Variants in SH3PXD2A observed in about 807,000 individuals in gnomAD.
SH3PXD2A encodes SH3 and PX domains 2A, also known as SH3 and PX domain-containing protein 2A.
In SH3PXD2A, 32 loss-of-function variants were observed where a neutral mutation model predicts 115.2. That is an observed-to-expected ratio of 0.28 (90% CI 0.21 to 0.37). SH3PXD2A has a LOEUF of 0.37. Ranked by LOEUF, SH3PXD2A falls within the 10% of genes least tolerant of loss-of-function variation. The pLI is 1.00. For missense variants in SH3PXD2A, 1,328 were observed against 1,498.7 expected, an observed-to-expected ratio of 0.89 and a Z score of 1.88; for synonymous variants, 610 against 629.1, an observed-to-expected ratio of 0.97 and a Z score of 0.45.
At chr10:103,807,258 C>T (rs1176464011) in intron 1 of SH3PXD2A, among the ~76,000 whole-genome samples, 1 of 152,182 alleles carries the variant, frequency 6.6e-6, no homozygotes, top group African/African-American at 2.4e-5. Context: ...TAGGACCCGC[C>T]TTGTGTTTAA....
intron 11 of SH3PXD2A, 32 bp downstream of exon 11, chr10:103,617,165 G>A (rs1454310283): frequency 6.1e-6 from 9 of 1,472,496 alleles, no homozygotes; most frequent in African/African-American, 1.4e-5. Context: ...GTGGGCGAGA[G>A]GCATCTCGTT....
At chr10:103,782,179 C>T (rs1365835713) in intron 2 of SH3PXD2A, among the ~76,000 whole-genome samples, 1 of 152,206 alleles carries the variant, frequency 6.6e-6, no homozygotes, top group Non-Finnish European at 1.5e-5. Context: ...AACATATCCT[C>T]CCAATGTTCC....
At chr10:103,835,667 C>T (rs554974293) in intron 1 of SH3PXD2A, among the ~76,000 whole-genome samples, 2 of 152,112 alleles carry the variant, frequency 1.3e-5, no homozygotes, top group East Asian at 1.9e-4. Flanking sequence ...CTTTTGGCCG[C>T]CCCCCCAACC....
chr10:103,804,401 G>T (rs890236831), intron 1 of SH3PXD2A, among the ~76,000 whole-genome samples: 3 of 134,548 alleles, frequency 2.2e-5, no homozygotes, highest in Non-Finnish European at 4.6e-5. Flanking sequence ...GGCTCATTGT[G>T]ACCTCCGCCT....
intron 1 of SH3PXD2A, among the ~76,000 whole-genome samples, chr10:103,835,330 C>T (rs567047295): frequency 6.6e-6 from 1 of 152,366 alleles, no homozygotes; most frequent in Non-Finnish European, 1.5e-5. Flanking sequence ...CGGGTGGCCC[C>T]ATTGCCTCTG....
At chr10:103,788,595 G>A (rs778191549) in intron 2 of SH3PXD2A, among the ~76,000 whole-genome samples, 15 of 152,046 alleles carry the variant, frequency 9.9e-5, no homozygotes, top group South Asian at 2.1e-4. Context: ...GGCCGGGTGC[G>A]GTGGCTCACG....
At chr10:103,791,408 T>C (rs2039035028) in intron 2 of SH3PXD2A, among the ~76,000 whole-genome samples, 1 of 152,180 alleles carries the variant, frequency 6.6e-6, no homozygotes, top group East Asian at 1.9e-4. Context: ...CTCAACTGTA[T>C]AGGAAAGGTG....
chr10:103,773,736 C>T (rs868213953), intron 2 of SH3PXD2A, among the ~76,000 whole-genome samples: 1 of 151,960 alleles, frequency 6.6e-6, no homozygotes, highest in African/African-American at 2.4e-5. Context: ...CTACTGTGCC[C>T]AGCCTTCTTT....
At chr10:103,835,422 A>G (rs1224248821) in intron 1 of SH3PXD2A, among the ~76,000 whole-genome samples, 6 of 152,326 alleles carry the variant, frequency 3.9e-5, no homozygotes, top group African/African-American at 1.4e-4. Flanking sequence ...TTTCTCTGCC[A>G]TTCCCTTATT....
At position 103,719,393 on chromosome 10, in the gene SH3PXD2A, G is replaced by T. The variant is rs370849982; in HGVS notation, c.398+4877C>A. 3.3e-5 allele frequency among the ~76,000 whole-genome samples: 5 copies of T among 152,346 alleles called. No homozygotes were observed. In the South Asian group the frequency reaches 8.3e-4, roughly 25 times the overall value. ...TGCACCTGCCAGTTGGGTGACTTCA[G>T]GTGAGTGGCTTCATGTCCCTGAGCC... On this transcript the variant is annotated intron_variant, in intron 5 of 14. Coordinates refer to ENST00000369774, the MANE Select transcript of SH3PXD2A (RefSeq NM_001394015.1).
intron 8 of SH3PXD2A, among the ~76,000 whole-genome samples, chr10:103,651,148 T>C (rs896460031): frequency 1.3e-5 from 2 of 151,984 alleles, no homozygotes; most frequent in African/African-American, 4.8e-5. Flanking sequence ...GTCTGCATAG[T>C]GGAAAGAAGA....
chr10:103,761,175 A>G (rs1164090101), intron 3 of SH3PXD2A, among the ~76,000 whole-genome samples: 1 of 152,182 alleles, frequency 6.6e-6, no homozygotes. Context: ...TCTGTGGTCT[A>G]GTTAGTTGAG....
At chr10:103,790,945 T>G (rs2039029399) in intron 2 of SH3PXD2A, among the ~76,000 whole-genome samples, 1 of 152,226 alleles carries the variant, frequency 6.6e-6, no homozygotes, top group African/African-American at 2.4e-5. Context: ...TTGACAAACA[T>G]GTACCTCCCA....
At chr10:103,634,336 G>C (rs2036833336) in intron 8 of SH3PXD2A, among the ~76,000 whole-genome samples, 1 of 152,258 alleles carries the variant, frequency 6.6e-6, no homozygotes, top group African/African-American at 2.4e-5. Flanking sequence ...GGCCGTGTCT[G>C]CACATGTGTG....
intron 6 of SH3PXD2A, 73 bp from the exon 7 acceptor site, chr10:103,668,725 G>C: frequency 7.3e-7 from 1 of 1,376,108 alleles, no homozygotes; most frequent in Non-Finnish European, 1.0e-6. Flanking sequence ...GCAGGCAGGA[G>C]GTCCACAGTG....
intron 2 of SH3PXD2A, among the ~76,000 whole-genome samples, chr10:103,779,925 T>C (rs1336541960): frequency 6.6e-6 from 1 of 152,018 alleles, no homozygotes; most frequent in Non-Finnish European, 1.5e-5. Flanking sequence ...CTATCCAAAA[T>C]AGGAGGAGGC....
chr10:103,837,354 G>T (rs1003144551), intron 1 of SH3PXD2A, among the ~76,000 whole-genome samples: 1 of 152,204 alleles, frequency 6.6e-6, no homozygotes, highest in Non-Finnish European at 1.5e-5. Flanking sequence ...GCTAGCAGGA[G>T]AAGTTTGCTA....
intron 8 of SH3PXD2A, among the ~76,000 whole-genome samples, chr10:103,660,123 T>G (rs925656604): frequency 2.0e-5 from 3 of 151,938 alleles, no homozygotes; most frequent in African/African-American, 7.3e-5. Flanking sequence ...ACAGGGGCCT[T>G]CCCTGCAGCA....
At chr10:103,671,196 C>T (rs2037453816) in intron 6 of SH3PXD2A, among the ~76,000 whole-genome samples, 1 of 152,210 alleles carries the variant, frequency 6.6e-6, no homozygotes, top group African/African-American at 2.4e-5. Flanking sequence ...CAGGTGCTTG[C>T]AAAGGGCCAG....
Sources: allele counts gnomAD v4.1 joint callset (sites outside exome capture counted in the v4.1 genomes callset), GRCh38; gene constraint gnomAD v4.1.1; transcripts MANE v1.5; gene names NCBI Gene and HGNC (gene_info 2026-07-23, HGNC 2026-07-21).